The following FAM98B variants were observed in gnomAD, a reference collection of about 807,000 sequenced individuals.
FAM98B encodes tRNA-splicing ligase complex subunit FAM98B.
A neutral mutation model predicts 43.9 loss-of-function variants in FAM98B; 32 were observed. That is an observed-to-expected ratio of 0.73 (90% confidence interval 0.55 to 0.98). FAM98B has a LOEUF of 0.98. FAM98B is among the 50% of genes least tolerant of loss of function. The pLI, the probability that FAM98B is intolerant of heterozygous loss-of-function variation, is 0.00. For missense variants in FAM98B, 514 were observed against 522.9 expected (o/e 0.98, Z 0.17); for synonymous variants, 190 against 174.0 (o/e 1.09, Z -0.72).
chr15:38,482,614 C>CT (rs1246837957), intron 7 of FAM98B: 2 of 152,136 alleles, frequency 1.3e-5, no homozygotes, highest in Non-Finnish European at 2.9e-5. Flanking sequence ...GGATATTGCA[C>CT]TTTTTATATT....
At chr15:38,456,357 T>A (rs749121172) in intron 1 of FAM98B, among the ~76,000 whole-genome samples, 1 of 152,214 alleles carries the variant, frequency 6.6e-6, no homozygotes, top group Non-Finnish European at 1.5e-5. Flanking sequence ...TACCATAGAC[T>A]GACCGAATCA....
intron 1 of FAM98B, among the ~76,000 whole-genome samples, chr15:38,461,390 T>C (rs1176434498): frequency 6.6e-6 from 1 of 152,136 alleles, no homozygotes; most frequent in African/African-American, 2.4e-5. Context: ...TTTCCTTAGT[T>C]TCCTTATAGT....
rs763452136 is a variant in FAM98B at position 38,485,668 on chromosome 15, G to C, written c.*1009G>C. 6 of 152,098 alleles carry C rather than the reference G, an allele frequency of 3.9e-5. No homozygotes were observed. Among genetic ancestry groups the C allele is most frequent in the Non-Finnish European group, 8.8e-5 (6 of 68,006 alleles). The allele number at this position is 152,098 out of a possible 1,614,324, so 9.4% of individuals were successfully genotyped here. On this transcript the variant is annotated 3_prime_UTR_variant, in exon 8 of 8. Coordinates refer to ENST00000397609, the MANE Select transcript of FAM98B (RefSeq NM_173611.4). The stretch of plus-strand genomic sequence containing the variant: ...ATTTGAATCATGGCACTAGGTCAGG[G>C]GTGCTATGGATTGAAATGACCTTAG...
intron 1 of FAM98B, among the ~76,000 whole-genome samples, chr15:38,462,320 A>C (rs1028879125): frequency 6.6e-6 from 1 of 152,236 alleles, no homozygotes; most frequent in African/African-American, 2.4e-5. Flanking sequence ...ATACAAGATT[A>C]AAATTGCAAA....
chr15:38,466,214 GTGTGT>G (rs1890029437), intron 3 of FAM98B, among the ~76,000 whole-genome samples: 1 of 150,508 alleles, frequency 6.6e-6, no homozygotes, highest in Non-Finnish European at 1.5e-5. Context: ...GTGTGTGTGT[GTGTGT>G]TTAGTGGTGA....
intron 3 of FAM98B, among the ~76,000 whole-genome samples, chr15:38,468,493 G>A (rs1020706757): frequency 2.0e-5 from 3 of 152,178 alleles, no homozygotes; most frequent in Non-Finnish European, 4.4e-5. Flanking sequence ...AAAATACTGG[G>A]ATTACAGGCC....
Position 38,484,290 on chromosome 15 carries a change from G to A in FAM98B, c.933G>A (p.Arg311=). The A allele has an allele frequency of 6.5e-7, 1 of 1,549,906 alleles. No homozygotes were observed. Among genetic ancestry groups the A allele is most frequent in the Non-Finnish European group, 8.7e-7 (1 of 1,147,120 alleles). The change falls in exon 8 of 8, where the codon CGG becomes CGA. Residue 311 remains arginine (R), a synonymous_variant. Transcript: ENST00000397609. ...GAAGGGTGCCTGACAGGGGAGGCCG[G>A]CCGAATGAAATTGAACCACCACCTC... The part of the protein sequence containing the change: ...LMGRVPDRGG[R]PNEIEPPPPE...
At position 38,470,323 on chromosome 15, in the gene FAM98B, TTC is replaced by T. The variant is rs1467804833; in HGVS notation, c.450_451del (p.Gln151SerfsTer4). ...AAAAATAGTGAAGTTTATCAGGAAG[TTC>T]AAGCTATGTTTGATACACTTGGTAT... On this transcript the variant is annotated frameshift_variant, in exon 4 of 8. Coordinates refer to ENST00000397609, the MANE Select transcript of FAM98B (RefSeq NM_173611.4). LOFTEE classifies it high-confidence loss of function. The T allele has an allele frequency of 6.2e-7, 1 of 1,607,956 alleles. No individual in the cohort carries two copies. The highest frequency in any genetic ancestry group is 8.5e-7 in the Non-Finnish European group (1 of 1,178,088).
chr15:38,463,214 A>G (rs1320443308), intron 1 of FAM98B, among the ~76,000 whole-genome samples: 2 of 152,136 alleles, frequency 1.3e-5, no homozygotes, highest in African/African-American at 4.8e-5. Context: ...TAAATAAATG[A>G]GGCCAGGCAC....
intron 6 of FAM98B, among the ~76,000 whole-genome samples, chr15:38,476,109 T>C (rs1044466560): frequency 7.9e-5 from 12 of 152,208 alleles, no homozygotes; most frequent in African/African-American, 2.7e-4. Context: ...TTTTTGTCAA[T>C]CTCTTTGCAT....
At chr15:38,460,602 C>A (rs187034972) in intron 1 of FAM98B, among the ~76,000 whole-genome samples, 2 of 152,270 alleles carry the variant, frequency 1.3e-5, no homozygotes, top group Admixed American at 6.5e-5. Flanking sequence ...TTAAGAAGTA[C>A]TGTTCTAGCC....
chr15:38,465,348 A>T lies in FAM98B; in HGVS notation c.297A>T (p.Ile99=). ...KEMACPYSVL[I]SGDIKDRLKK... ...TGGCATGTCCATATTCTGTACTCAT[A>T]TCAGGAGATATTAAAGATCGTTTAA... The change falls in exon 3 of 8, where the codon ATA becomes ATT. Residue 99 remains isoleucine (I), a synonymous_variant. Coordinates refer to ENST00000397609, the MANE Select transcript of FAM98B (RefSeq NM_173611.4). 1 of 1,609,568 alleles carries T rather than the reference A, an allele frequency of 6.2e-7. No individual in the cohort carries two copies. Among genetic ancestry groups the T allele is most frequent in the Non-Finnish European group, 8.5e-7 (1 of 1,178,446 alleles).
At chr15:38,463,889 A>G (rs958415101) in intron 1 of FAM98B, 143 bp from the exon 2 acceptor site, 2 of 748,618 alleles carry the variant, frequency 2.7e-6, no homozygotes, top group African/African-American at 1.8e-5. Context: ...GCCGTAGCCA[A>G]TTTGTAGATT....
In FAM98B at chr15:38,487,130, G is replaced by A. The variant is rs541312596; in HGVS notation, c.*2471G>A. On this transcript the variant is annotated 3_prime_UTR_variant, in exon 8 of 8. Transcript: ENST00000397609. ...ATCTTTCCTCTCGACCGTATAAAGAGCATGTATTCTGTCTATAACATAATC... is the reference window on the plus strand; with the variant it reads ...ATCTTTCCTCTCGACCGTATAAAGAACATGTATTCTGTCTATAACATAATC... 1 of 152,090 alleles carries A rather than the reference G, an allele frequency of 6.6e-6. No homozygotes were observed. Among genetic ancestry groups the A allele is most frequent in the South Asian group, 2.1e-4 (1 of 4,820 alleles). The allele number at this position is 152,090 out of a possible 1,614,324, so 9.4% of individuals were successfully genotyped here.
intron 1 of FAM98B, among the ~76,000 whole-genome samples, 195 bp downstream of exon 1, chr15:38,454,427 G>A (rs1889815714): frequency 6.6e-6 from 1 of 152,342 alleles, no homozygotes; most frequent in African/African-American, 2.4e-5. Flanking sequence ...GAGCAGGGCC[G>A]GAGAGCTGGG....
chr15:38,476,587 T>G (rs1466630656), intron 6 of FAM98B, among the ~76,000 whole-genome samples: 23 of 152,044 alleles, frequency 1.5e-4, no homozygotes, highest in Non-Finnish European at 1.5e-5. Context: ...TTATACTTGG[T>G]GTTGAATTTT....
intron 3 of FAM98B, among the ~76,000 whole-genome samples, chr15:38,466,872 A>G (rs1890041510): frequency 6.6e-6 from 1 of 152,114 alleles, no homozygotes; most frequent in African/African-American, 2.4e-5. Context: ...CATACACACA[A>G]CACTCTCACA....
At chr15:38,476,594 T>C (rs917143414) in intron 6 of FAM98B, among the ~76,000 whole-genome samples, 4 of 152,054 alleles carry the variant, frequency 2.6e-5, no homozygotes, top group African/African-American at 7.2e-5. Flanking sequence ...TGGTGTTGAA[T>C]TTTTGTTTCT....
At chr15:38,458,552 G>A (rs911561478) in intron 1 of FAM98B, among the ~76,000 whole-genome samples, 5 of 152,176 alleles carry the variant, frequency 3.3e-5, no homozygotes, top group African/African-American at 9.7e-5. Context: ...CTCGGGAGCA[G>A]GTAGTTCTGG....
Sources: gnomAD v4.1 joint callset for allele counts (sites outside exome capture counted in the v4.1 genomes callset) on GRCh38, gnomAD v4.1.1 for gene constraint, MANE v1.5 for transcripts, NCBI Gene and HGNC (gene_info 2026-07-23, HGNC 2026-07-21) for gene names.